Variants in NDUFAF2 observed in about 807,000 individuals in gnomAD.
The protein encoded by NDUFAF2 is NADH:ubiquinone oxidoreductase complex assembly factor 2, also known as NADH dehydrogenase [ubiquinone] 1 alpha subcomplex assembly factor 2.
A neutral mutation model predicts 22.8 loss-of-function variants in NDUFAF2; 13 were observed. That is an observed-to-expected ratio of 0.57 (90% CI 0.37 to 0.91). The LOEUF (loss-of-function observed/expected upper bound fraction) is 0.91, where lower values mean the gene tolerates loss of function less well. Ranked by LOEUF, NDUFAF2 falls within the 40% of genes least tolerant of loss-of-function variation. NDUFAF2 has a pLI of 0.01. For synonymous variants in NDUFAF2, 53 were observed against 64.2 expected (o/e 0.83, Z 0.84); for missense variants, 162 against 195.2 (o/e 0.83, Z 1.01).
intron 3 of NDUFAF2, chr5:61,116,709 C>G (rs1189624824): frequency 5.3e-5 from 8 of 152,130 alleles, no homozygotes; most frequent in African/African-American, 1.9e-4. Context: ...TTATCTCCTA[C>G]AAACCCTTTC....
chr5:61,052,838 C>T (rs1752042020), intron 1 of NDUFAF2, among the ~76,000 whole-genome samples: 1 of 152,072 alleles, frequency 6.6e-6, no homozygotes, highest in African/African-American at 2.4e-5. Context: ...TGATAGTGTT[C>T]GTTATTCAAC....
chr5:61,094,340 G>T (rs182962225), intron 2 of NDUFAF2, among the ~76,000 whole-genome samples: 151 of 152,270 alleles, frequency 9.9e-4, no homozygotes, highest in African/African-American at 3.5e-3. Context: ...CTATCAGGTT[G>T]GTTACATTCT....
intron 1 of NDUFAF2, among the ~76,000 whole-genome samples, chr5:61,004,573 T>C (rs1227787060): frequency 6.6e-6 from 1 of 152,128 alleles, no homozygotes; most frequent in African/African-American, 2.4e-5. Flanking sequence ...CATGAAAATA[T>C]GTATATTTGT....
intron 1 of NDUFAF2, among the ~76,000 whole-genome samples, chr5:61,060,321 T>C (rs1242057946): frequency 6.6e-6 from 1 of 152,188 alleles, no homozygotes; most frequent in African/African-American, 2.4e-5. Flanking sequence ...TTATTTGTAA[T>C]GGTTCAGAAT....
chr5:61,040,286 A>ACACACGTGCGCGCGCGCG (rs1491193758), intron 1 of NDUFAF2, among the ~76,000 whole-genome samples: 1 of 93,074 alleles, frequency 1.1e-5, no homozygotes, highest in African/African-American at 4.3e-5. Context: ...ACACACACAC[A>ACACACGTGCGCGCGCGCG]CGCGCGCGCG....
chr5:61,144,456 A>G (rs937275559), intron 3 of NDUFAF2, among the ~76,000 whole-genome samples: 1 of 152,236 alleles, frequency 6.6e-6, no homozygotes, highest in South Asian at 2.1e-4. Context: ...CTTGTTAAGT[A>G]TATGTATAAT....
At chr5:61,002,912 A>G (rs1329596204) in intron 1 of NDUFAF2, among the ~76,000 whole-genome samples, 1 of 152,054 alleles carries the variant, frequency 6.6e-6, no homozygotes, top group African/African-American at 2.4e-5. Context: ...TTTCTCTTTT[A>G]TTCCCTCTTC....
In NDUFAF2 at chr5:60,972,189, C is replaced by T. The variant is rs183595658; in HGVS notation, c.127+26807C>T. On this transcript the variant is annotated intron_variant, in intron 1 of 3. Coordinates refer to ENST00000296597, the MANE Select transcript of NDUFAF2 (RefSeq NM_174889.5). ...AACTCCTGACCTCGTGATCTGCCTG[C>T]CTCGGCCTCCCAAAGTGCTGAGATT... Among the ~76,000 whole-genome samples the T allele has an allele frequency of 2.0e-3, 311 of 151,946 alleles. 2 individuals carry two copies. Among genetic ancestry groups the T allele is most frequent in the Non-Finnish European group, 1.6e-3 (111 of 67,966 alleles).
chr5:61,073,120 T>C lies in NDUFAF2; in HGVS notation c.128-5T>C, dbSNP rs1173118913. On this transcript the variant is annotated splice_region_variant and splice_polypyrimidine_tract_variant and intron_variant, in intron 1 of 3. Transcript: ENST00000296597. ...AAAAATGTATTAATGACTTTTGTCT[T>C]ATAGGACAAACTATTCGAGAGAAAA... The C allele has an allele frequency of 6.3e-7, 1 of 1,593,642 alleles. No homozygotes were observed.
chr5:61,112,652 G>T (rs1186798044), intron 3 of NDUFAF2, among the ~76,000 whole-genome samples: 1 of 151,844 alleles, frequency 6.6e-6, no homozygotes, highest in Non-Finnish European at 1.5e-5. Context: ...GTCTTTATAC[G>T]TGGTGTGTTT....
chr5:60,955,395 T>G (rs1750601964), intron 1 of NDUFAF2, among the ~76,000 whole-genome samples: 1 of 152,208 alleles, frequency 6.6e-6, no homozygotes. Flanking sequence ...GGTTTATTAC[T>G]AGGTTCTGTC....
chr5:61,017,593 A>G (rs1426209933), intron 1 of NDUFAF2, among the ~76,000 whole-genome samples: 1 of 152,162 alleles, frequency 6.6e-6, no homozygotes, highest in Non-Finnish European at 1.5e-5. Flanking sequence ...GTTGTTAAAT[A>G]TAAACATTAG....
intron 1 of NDUFAF2, among the ~76,000 whole-genome samples, chr5:60,994,017 G>A (rs936055260): frequency 7.9e-5 from 12 of 152,344 alleles, no homozygotes; most frequent in African/African-American, 1.9e-4. Flanking sequence ...GCCAAGGGGC[G>A]CCTGCAGGCC....
At chr5:61,070,614 C>T (rs1432983603) in intron 1 of NDUFAF2, among the ~76,000 whole-genome samples, 2 of 151,672 alleles carry the variant, frequency 1.3e-5, no homozygotes, top group Non-Finnish European at 2.9e-5. Flanking sequence ...CACACACACA[C>T]ACACACACAC....
At chr5:61,076,373 C>T (rs531689232) in intron 2 of NDUFAF2, among the ~76,000 whole-genome samples, 5 of 152,230 alleles carry the variant, frequency 3.3e-5, no homozygotes, top group East Asian at 3.9e-4. Context: ...CGCGCCCGGC[C>T]GTTTTGCAGT....
At chr5:60,948,052 T>C (rs986683636) in intron 1 of NDUFAF2, among the ~76,000 whole-genome samples, 1 of 152,152 alleles carries the variant, frequency 6.6e-6, no homozygotes, top group Non-Finnish European at 1.5e-5. Context: ...TATGTATATA[T>C]CTGTGAAACC....
intron 3 of NDUFAF2, among the ~76,000 whole-genome samples, chr5:61,150,035 T>C (rs1741207117): frequency 6.6e-6 from 1 of 152,200 alleles, no homozygotes; most frequent in African/African-American, 2.4e-5. Flanking sequence ...GTTCAAGTGA[T>C]TCTCCTGCCT....
At chr5:60,963,032 C>T (rs1025946567) in intron 1 of NDUFAF2, among the ~76,000 whole-genome samples, 9 of 151,712 alleles carry the variant, frequency 5.9e-5, no homozygotes, top group Non-Finnish European at 1.2e-4. Flanking sequence ...ACTACAGGCA[C>T]GTGCCACCAT....
intron 2 of NDUFAF2, among the ~76,000 whole-genome samples, chr5:61,074,416 G>A (rs1001295302): frequency 7.2e-5 from 11 of 152,140 alleles, no homozygotes; most frequent in South Asian, 2.1e-4. Flanking sequence ...GTGAAACCCC[G>A]TCTCTACTAA....
Sources: allele counts gnomAD v4.1 joint callset (sites outside exome capture counted in the v4.1 genomes callset), GRCh38; gene constraint gnomAD v4.1.1; transcripts MANE v1.5; gene names NCBI Gene and HGNC (gene_info 2026-07-23, HGNC 2026-07-21).